SLC45A4: variants seen among roughly 807,000 people sequenced by gnomAD.
The protein encoded by SLC45A4 is solute carrier family 45 member 4.
SLC45A4 carries 32 observed loss-of-function variants against 63.7 expected under a neutral mutation model. The ratio of observed to expected loss-of-function variants is 0.50; its 90% CI spans 0.38 to 0.67. The LOEUF is 0.67. Ranked by LOEUF, SLC45A4 falls within the 30% of genes least tolerant of loss-of-function variation. The probability of loss-of-function intolerance (pLI) is 0.00; values close to 1 mark genes in which losing one functional copy is unlikely to be tolerated. For missense variants in SLC45A4, 1,027 were observed against 1,157.7 expected (o/e 0.89, Z 1.64); for synonymous variants, 535 against 510.0 (o/e 1.05, Z -0.66).
intron 2 of SLC45A4, chr8:141,225,047 T>C (rs1826887701): frequency 6.6e-6 from 1 of 152,304 alleles, no homozygotes; most frequent in Admixed American, 6.5e-5. Flanking sequence ...GCTGGGACTC[T>C]GTGCTCTCCA....
intron 2 of SLC45A4, among the ~76,000 whole-genome samples, chr8:141,248,271 T>C (rs925496579): frequency 7.2e-5 from 11 of 152,202 alleles, no homozygotes; most frequent in African/African-American, 4.8e-5. Flanking sequence ...AAAGATACCA[T>C]TAGGAAAATG....
intron 1 of SLC45A4, among the ~76,000 whole-genome samples, chr8:141,263,202 C>T (rs1181593155): frequency 4.7e-5 from 5 of 107,362 alleles, no homozygotes; most frequent in East Asian, 2.7e-4. Flanking sequence ...CGTCACACGC[C>T]GGGGACTGTT....
chr8:141,268,362 T>C (rs565725658), intron 1 of SLC45A4, among the ~76,000 whole-genome samples: 22 of 152,232 alleles, frequency 1.4e-4, no homozygotes, highest in African/African-American at 5.1e-4. Context: ...TGTATGGCAC[T>C]CTAATGGCAG....
At position 141,256,240 on chromosome 8, in the gene SLC45A4, G is replaced by T. The variant is rs1325319965; in HGVS notation, c.-400-1611C>A. On this transcript the variant is annotated intron_variant, in intron 1 of 8. Transcript: ENST00000517878. This position sits in a 1 kb window ranked among gnomAD's most constrained non-coding sequence, Gnocchi z 4.3. ...CAGGACTTCTGGAGTTAGGTCTCCA[G>T]ACATGGGGTTCGGTTCAACTGAAGT... is the stretch of plus-strand genomic sequence containing the variant. 6.6e-6 allele frequency among the ~76,000 whole-genome samples: 1 copy of T among 152,226 alleles called. No homozygotes were observed. The highest frequency in any genetic ancestry group is 1.5e-5 in the Non-Finnish European group (1 of 68,036).
chr8:141,301,572 C>T (rs1273884867), intron 1 of SLC45A4, among the ~76,000 whole-genome samples: 1 of 151,642 alleles, frequency 6.6e-6, no homozygotes, highest in Non-Finnish European at 1.5e-5. Context: ...CATGGTGAAA[C>T]TCTGTCTCTG....
chr8:141,229,160 G>A lies in SLC45A4; in HGVS notation c.242-7395C>T, dbSNP rs1328482786. 2.6e-5 allele frequency among the ~76,000 whole-genome samples: 4 copies of A among 152,144 alleles called. No homozygotes were observed. Among genetic ancestry groups the A allele is most frequent in the Non-Finnish European group, 5.9e-5 (4 of 68,012 alleles). On this transcript the variant is annotated intron_variant, in intron 2 of 8. Coordinates refer to ENST00000517878, the MANE Select transcript of SLC45A4 (RefSeq NM_001286646.2). The surrounding 1 kb of genome is among the most constrained non-coding windows in gnomAD (Gnocchi z 5.0). ...AAAGAGCTGCACTCTCAGGAGCAGA[G>A]TTTTGTGAGCATAGCAGGCTTCCAA...
At chr8:141,241,410 G>A (rs1409459668) in intron 2 of SLC45A4, among the ~76,000 whole-genome samples, 1 of 152,282 alleles carries the variant, frequency 6.6e-6, no homozygotes, top group East Asian at 1.9e-4. Flanking sequence ...TGCCTTCGGG[G>A]AAGGGAGATG....
intron 1 of SLC45A4, among the ~76,000 whole-genome samples, chr8:141,255,476 G>A (rs1355767129): frequency 6.6e-6 from 1 of 152,218 alleles, no homozygotes; most frequent in Non-Finnish European, 1.5e-5. Context: ...AGCACATTGG[G>A]GGGCTGAAGC....
intron 2 of SLC45A4, 149 bp downstream of exon 2, chr8:141,253,840 A>G: frequency 7.8e-7 from 1 of 1,289,954 alleles, no homozygotes; most frequent in African/African-American, 1.5e-5. Flanking sequence ...AACCACCATC[A>G]GGGCAGGCTG....
At chr8:141,228,417 C>G in intron 2 of SLC45A4, 1 of 1,428,490 alleles carries the variant, frequency 7.0e-7, no homozygotes, top group Non-Finnish European at 9.2e-7. Flanking sequence ...CTCCAGAAAG[C>G]CAGCGGGAAC....
rs1826631129 is a variant in SLC45A4 at position 141,221,521 on chromosome 8, C to G, written c.430+56G>C. 4.2e-5 allele frequency: 66 copies of G among 1,557,472 alleles called. No homozygotes were observed. In the South Asian group the frequency reaches 5.7e-4, roughly 13 times the overall value. On this transcript the variant is annotated intron_variant, in intron 3 of 8. Transcript: ENST00000517878. ...TCAGCTTTTAATGAGAGGAGCTACC[C>G]AGGGCCAGGACCCCGTCTGTGTTGT...
chr8:141,290,107 T>C (rs1360766598), intron 1 of SLC45A4, among the ~76,000 whole-genome samples: 2 of 152,242 alleles, frequency 1.3e-5, no homozygotes, highest in Non-Finnish European at 2.9e-5. Flanking sequence ...TGTATAATTA[T>C]ACATGTCCAT....
chr8:141,284,405 A>C (rs1201995268), intron 1 of SLC45A4, among the ~76,000 whole-genome samples: 1 of 152,064 alleles, frequency 6.6e-6, no homozygotes, highest in Non-Finnish European at 1.5e-5. Context: ...GGGAGGGGCC[A>C]CCCCCAGCAC....
rs1329491015 is a variant in SLC45A4 at position 141,253,614 on chromosome 8, AGCCAGTGACTGTC to A, written c.241+362_241+374del. Among the ~76,000 whole-genome samples, 484 of 152,310 alleles carry A rather than the reference AGCCAGTGACTGTC, an allele frequency of 3.2e-3. 1 individual carries two copies. The highest frequency in any genetic ancestry group is 0.011 in the African/African-American group (458 of 41,566). On this transcript the variant is annotated intron_variant, in intron 2 of 8. Coordinates refer to ENST00000517878, the MANE Select transcript of SLC45A4 (RefSeq NM_001286646.2). The stretch of plus-strand genomic sequence containing the variant: ...GCTCCCGAATTCGCCTGCATGACAC[AGCCAGTGACTGTC>A]AGTGCTGGCGACCCTGCCCTTTGCC...
intron 7 of SLC45A4, among the ~76,000 whole-genome samples, chr8:141,213,757 A>G (rs1825974708): frequency 6.6e-6 from 1 of 152,246 alleles, no homozygotes; most frequent in African/African-American, 2.4e-5. Context: ...TTGAAACACA[A>G]ATAAAATCAA....
At chr8:141,238,922 C>T (rs1402318578) in intron 2 of SLC45A4, among the ~76,000 whole-genome samples, 1 of 152,166 alleles carries the variant, frequency 6.6e-6, no homozygotes. Context: ...CCTGGGAAAC[C>T]CCAGTGCCAG....
At chr8:141,286,940 C>T (rs1225834075) in intron 1 of SLC45A4, among the ~76,000 whole-genome samples, 4 of 152,194 alleles carry the variant, frequency 2.6e-5, no homozygotes, top group Non-Finnish European at 4.4e-5. Context: ...CTCTTGCTGG[C>T]GGCCACGGGG....
At position 141,212,197 on chromosome 8, in the gene SLC45A4, C is replaced by G. The variant is rs1446642028; in HGVS notation, c.2301G>C (p.Val767=). The G allele has an allele frequency of 6.1e-6, 8 of 1,310,932 alleles. No individual in the cohort carries two copies. Among genetic ancestry groups the G allele is most frequent in the African/African-American group, 1.6e-5 (1 of 64,082 alleles). 81.2% of individuals were successfully genotyped at this position (1,310,932 alleles called of 1,614,324 possible). A position where few individuals can be genotyped will look rare whatever the true frequency, so the allele number is the denominator to read the frequency against. Residue 767 remains valine (V), a splice_region_variant and synonymous_variant, in exon 8 of 9, where the codon GTG becomes GTC. Transcript: ENST00000517878. The part of the protein sequence containing the change: ...GLQGPVETES[V]TPAGIDVCQI... ...GTGTAAACGGGAGTGCGGCTCAGAC[C>G]ACGGACTCTGTCTCCACCGGTCCCT...
rs369283951 is a variant in SLC45A4, at chr8:141,278,606, C to A, written c.-400-23977G>T. Among the ~76,000 whole-genome samples, 1 of 152,246 alleles carries A rather than the reference C, an allele frequency of 6.6e-6. No homozygotes were observed. Among genetic ancestry groups the A allele is most frequent in the Non-Finnish European group, 1.5e-5 (1 of 68,046 alleles). On this transcript the variant is annotated intron_variant, in intron 1 of 8. Coordinates refer to ENST00000517878, the MANE Select transcript of SLC45A4 (RefSeq NM_001286646.2). This position sits in a 1 kb window ranked among gnomAD's most constrained non-coding sequence, Gnocchi z 4.1. ...CCGAAGGAGAGACAGGCCTCTGCCC[C>A]CTAGCCACCAGCAGCTGAGTGCTGA...
Sources: allele counts gnomAD v4.1 joint callset (sites outside exome capture counted in the v4.1 genomes callset), GRCh38; gene constraint gnomAD v4.1.1; non-coding constraint Gnocchi (gnomAD v3.1); transcripts MANE v1.5; gene names NCBI Gene and HGNC (gene_info 2026-07-23, HGNC 2026-07-21).